Variants in L3HYPDH observed in about 807,000 individuals in gnomAD.
L3HYPDH encodes trans-3-hydroxy-L-proline dehydratase.
L3HYPDH carries 32 observed loss-of-function variants against 26.5 expected under a neutral mutation model. The observed-to-expected ratio is 1.21, with a 90% CI of 0.91 to 1.62. L3HYPDH has a LOEUF of 1.62. Among genes scored for constraint, L3HYPDH ranks in the 40% most tolerant of loss-of-function variants. The pLI is 0.00. For missense variants in L3HYPDH, 554 were observed against 476.4 expected, an observed-to-expected ratio of 1.16 and a Z score of -1.52; for synonymous variants, 215 against 196.6, an observed-to-expected ratio of 1.09 and a Z score of -0.78.
At chr14:59,468,618 T>A (rs1407051262), downstream of L3HYPDH, among the ~76,000 whole-genome samples, 2 of 152,196 alleles carry the variant, frequency 1.3e-5, no homozygotes, top group Admixed American at 1.3e-4. Flanking sequence ...TGGTCTATAA[T>A]TTTTTGCGTG....
chr14:59,468,626 G>A (rs4898989), downstream of L3HYPDH, among the ~76,000 whole-genome samples: 61,217 of 151,964 alleles, frequency 0.4, 13,166 homozygotes, highest in African/African-American at 0.54. Flanking sequence ...AATTTTTTGC[G>A]TGATTATCTA....
At chr14:59,466,943 A>C (rs892545776) in intron 1 of L3HYPDH, among the ~76,000 whole-genome samples, 1 of 152,196 alleles carries the variant, frequency 6.6e-6, no homozygotes, top group Non-Finnish European at 1.5e-5. Context: ...AGTCAATGCC[A>C]GCTTAATCTA....
At chr14:59,484,437 C>A, upstream of L3HYPDH, 1 of 1,369,356 alleles carries the variant, frequency 7.3e-7, no homozygotes, top group East Asian at 2.4e-5. Context: ...GGCGGGGTCT[C>A]GGAGCCTAAA....
At chr14:59,478,451 G>A (rs570189502) in intron 2 of L3HYPDH, among the ~76,000 whole-genome samples, 1 of 152,116 alleles carries the variant, frequency 6.6e-6, no homozygotes, top group Admixed American at 6.5e-5. Flanking sequence ...GGGTGTGATG[G>A]GGCATGCCTG....
At chr14:59,478,913 T>A in intron 2 of L3HYPDH, 1 of 310,332 alleles carries the variant, frequency 3.2e-6, no homozygotes, top group Non-Finnish European at 5.8e-6. Flanking sequence ...GCTGATGAGC[T>A]AAAAAAAAAT....
chr14:59,484,058 C>T lies in L3HYPDH; in HGVS notation c.259G>A (p.Asp87Asn). The change falls in exon 1 of 5, where the codon GAC becomes AAC. Residue 87 changes from aspartate (D) to asparagine (N), a missense_variant. Coordinates refer to ENST00000247194, the MANE Select transcript of L3HYPDH (RefSeq NM_144581.2). ...AGGAACAGGACGCCCAGATGCGCGTCCGGCAGCTCGCTCGGGACTAGGACC... is the reference window on the plus strand; with the variant it reads ...AGGAACAGGACGCCCAGATGCGCGTTCGGCAGCTCGCTCGGGACTAGGACC... ...GAVLVPSELP[D>N]AHLGVLFLHN... 1 of 1,607,028 alleles carries T rather than the reference C, an allele frequency of 6.2e-7. No homozygotes were observed. Among genetic ancestry groups the T allele is most frequent in the Non-Finnish European group, 8.5e-7 (1 of 1,179,608 alleles).
the L3HYPDH span, chr14:59,501,025 C>T: frequency 1.8e-6 from 1 of 562,440 alleles, no homozygotes; most frequent in African/African-American, 1.9e-5. Flanking sequence ...CTTGCCCTTT[C>T]CAGAAAAAGC....
chr14:59,487,775 G>T (rs758383680), upstream of L3HYPDH: 16 of 1,613,542 alleles, frequency 9.9e-6, no homozygotes, highest in South Asian at 1.6e-4. Context: ...TTATGGCAAT[G>T]CTTCCTCTGG....
chr14:59,501,157 C>A, the L3HYPDH span: 1 of 1,328,608 alleles, frequency 7.5e-7, no homozygotes, highest in African/African-American at 1.5e-5. Context: ...AAATTTGTTT[C>A]ATTTCCAACA....
the L3HYPDH span, among the ~76,000 whole-genome samples, chr14:59,503,271 AT>A: frequency 6.6e-6 from 1 of 152,170 alleles, no homozygotes; most frequent in Non-Finnish European, 1.5e-5. Flanking sequence ...CCTGTTGCAA[AT>A]TACGTTTTAA....
chr14:59,502,679 G>A, the L3HYPDH span, among the ~76,000 whole-genome samples: 148,113 of 151,312 alleles, frequency 0.98, 72,569 homozygotes, highest in East Asian at 1. Context: ...TAGTTTTGGC[G>A]CTTTTATCAA....
chr14:59,469,558 TAAAAAAAAAAAAAAA>T (rs36113229), downstream of L3HYPDH, among the ~76,000 whole-genome samples: 816 of 43,326 alleles, frequency 0.019, 22 homozygotes, highest in African/African-American at 0.079. Flanking sequence ...TCCATCTCAT[TAAAAAAAAAAAAAAA>T]AAAAAAAAAA....
At chr14:59,489,882 C>T in the L3HYPDH span, among the ~76,000 whole-genome samples, 3 of 37,432 alleles carry the variant, frequency 8.0e-5, no homozygotes, top group South Asian at 2.3e-3. Flanking sequence ...GGAGGTACCT[C>T]TTTCTTTCAT....
At chr14:59,493,073 C>T in the L3HYPDH span, among the ~76,000 whole-genome samples, 2 of 152,094 alleles carry the variant, frequency 1.3e-5, no homozygotes, top group Non-Finnish European at 2.9e-5. Context: ...GCTGGGATTA[C>T]AGGCGTGAGC....
chr14:59,499,015 CTTTTTTTTTTTTT>C, the L3HYPDH span: 119 of 127,156 alleles, frequency 9.4e-4, no homozygotes, highest in Middle Eastern at 5.6e-3. Context: ...TTGTTTAATC[CTTTTTTTTTTTTT>C]TTTTTTTTTT....
At chr14:59,490,370 A>C in the L3HYPDH span, among the ~76,000 whole-genome samples, 1 of 152,168 alleles carries the variant, frequency 6.6e-6, no homozygotes, top group Non-Finnish European at 1.5e-5. Context: ...TGAGGATTAC[A>C]TTTCAACATG....
downstream of L3HYPDH, among the ~76,000 whole-genome samples, chr14:59,472,150 C>T (rs986489869): frequency 6.6e-6 from 1 of 152,196 alleles, no homozygotes; most frequent in African/African-American, 2.4e-5. Flanking sequence ...CTATTTTTAA[C>T]AGGCTCATAG....
the L3HYPDH span, among the ~76,000 whole-genome samples, chr14:59,500,009 C>G: frequency 6.6e-6 from 1 of 152,190 alleles, no homozygotes; most frequent in Non-Finnish European, 1.5e-5. Context: ...TACATTTGCA[C>G]TGATTTGCAC....
the L3HYPDH span, among the ~76,000 whole-genome samples, chr14:59,490,161 G>T: frequency 6.6e-6 from 1 of 152,042 alleles, no homozygotes; most frequent in South Asian, 2.1e-4. Context: ...GGCGCAAGCA[G>T]TCCTCCTGCC....
Sources: gnomAD v4.1 joint callset for allele counts (sites outside exome capture counted in the v4.1 genomes callset) on GRCh38, gnomAD v4.1.1 for gene constraint, MANE v1.5 for transcripts, NCBI Gene and HGNC (gene_info 2026-07-23, HGNC 2026-07-21) for gene names.